The following MALRD1 variants were observed in gnomAD, a reference collection of about 807,000 sequenced individuals.
The protein encoded by MALRD1 is MAM and LDL-receptor class A domain-containing protein 1.
In MALRD1, 247 loss-of-function variants were observed where a neutral mutation model predicts 242.1. That is an observed-to-expected ratio of 1.02 (90% confidence interval 0.92 to 1.13). The LOEUF (loss-of-function observed/expected upper bound fraction) is 1.13. Ranked by LOEUF, MALRD1 falls within the 50% of genes most tolerant of loss-of-function variation. MALRD1 has a pLI of 0.00. For synonymous variants in MALRD1, 995 were observed against 866.6 expected (o/e 1.15, Z -2.60); for missense variants, 2,989 against 2,533.1 (o/e 1.18, Z -3.86).
At chr10:19,140,795 C>T (rs1290614323) in intron 10 of MALRD1, among the ~76,000 whole-genome samples, 4 of 151,780 alleles carry the variant, frequency 2.6e-5, no homozygotes, top group Non-Finnish European at 5.9e-5. Flanking sequence ...GAGGCCTGGC[C>T]GAAATGGGGA....
At chr10:19,419,535 G>T (rs1156990898) in intron 28 of MALRD1, among the ~76,000 whole-genome samples, 2 of 152,062 alleles carry the variant, frequency 1.3e-5, no homozygotes, top group Non-Finnish European at 1.5e-5. Context: ...GGCCAGGCTG[G>T]TCTCAAACTC....
chr10:19,218,978 A>G (rs1450337949), intron 18 of MALRD1, among the ~76,000 whole-genome samples: 1 of 152,152 alleles, frequency 6.6e-6, no homozygotes, highest in Non-Finnish European at 1.5e-5. Context: ...TTAGTAATCT[A>G]ATTATTTTGA....
chr10:19,476,257 G>C (rs1275905480), intron 29 of MALRD1, among the ~76,000 whole-genome samples: 1 of 152,096 alleles, frequency 6.6e-6, no homozygotes, highest in Non-Finnish European at 1.5e-5. Flanking sequence ...ATCTCTACGT[G>C]TTTTAGTACA....
At chr10:19,413,711 T>TGGTGGCTTAC (rs1447412747) in intron 28 of MALRD1, among the ~76,000 whole-genome samples, 1 of 151,982 alleles carries the variant, frequency 6.6e-6, no homozygotes, top group Admixed American at 6.6e-5. Context: ...AGGCTGTGTG[T>TGGTGGCTTAC]GGTGGCTTAC....
chr10:19,200,671 T>TTG (rs1836490786), intron 14 of MALRD1, among the ~76,000 whole-genome samples: 1 of 112,832 alleles, frequency 8.9e-6, no homozygotes, highest in Non-Finnish European at 1.9e-5. Flanking sequence ...TTTTTTTTTT[T>TTG]GGCTTCTACA....
intron 21 of MALRD1, among the ~76,000 whole-genome samples, chr10:19,301,192 C>T (rs564559814): frequency 6.6e-6 from 1 of 151,818 alleles, no homozygotes; most frequent in Non-Finnish European, 1.5e-5. Flanking sequence ...ATGGCTATTA[C>T]TAAAAAGTCA....
At chr10:19,500,493 A>G (rs1293002088) in intron 31 of MALRD1, among the ~76,000 whole-genome samples, 1 of 152,230 alleles carries the variant, frequency 6.6e-6, no homozygotes, top group Non-Finnish European at 1.5e-5. Flanking sequence ...CAGCAATACA[A>G]TCTAGATAAA....
chr10:19,727,879 C>T (rs747259260), intron 38 of MALRD1, among the ~76,000 whole-genome samples: 4 of 151,668 alleles, frequency 2.6e-5, no homozygotes, highest in Non-Finnish European at 4.4e-5. Context: ...TAAGGATCCA[C>T]CATTTTAAGT....
At chr10:19,385,903 A>G (rs1846051609) in intron 26 of MALRD1, among the ~76,000 whole-genome samples, 2 of 152,094 alleles carry the variant, frequency 1.3e-5, no homozygotes, top group South Asian at 2.1e-4. Context: ...TGCATCTCAC[A>G]AGTTTTGCTC....
intron 19 of MALRD1, among the ~76,000 whole-genome samples, chr10:19,262,356 T>A (rs1385231528): frequency 6.6e-6 from 1 of 152,006 alleles, no homozygotes; most frequent in Non-Finnish European, 1.5e-5. Context: ...TCTGTGTGTG[T>A]GTGTGGTAAG....
intron 11 of MALRD1, among the ~76,000 whole-genome samples, chr10:19,150,695 T>G (rs1833917884): frequency 6.6e-6 from 1 of 152,208 alleles, no homozygotes; most frequent in South Asian, 2.1e-4. Context: ...TGTCCTATAT[T>G]TGACAGTCCA....
chr10:19,163,135 T>C (rs1458711540), intron 12 of MALRD1, among the ~76,000 whole-genome samples: 1 of 20,756 alleles, frequency 4.8e-5, no homozygotes, highest in African/African-American at 3.1e-4. Context: ...TGAAACCCTG[T>C]CTAAAAAAAA....
At chr10:19,449,113 T>A (rs1011092814) in intron 28 of MALRD1, among the ~76,000 whole-genome samples, 3 of 152,156 alleles carry the variant, frequency 2.0e-5, no homozygotes, top group African/African-American at 7.2e-5. Flanking sequence ...TATAAATAAT[T>A]TGTGTAAATG....
At chr10:19,539,897 TGCGCGC>T (rs1323112743) in intron 32 of MALRD1, among the ~76,000 whole-genome samples, 144 of 44,374 alleles carry the variant, frequency 3.2e-3, no homozygotes, top group Middle Eastern at 9.1e-3. Context: ...TGTGTGTGTG[TGCGCGC>T]GCGCGTGCGC....
intron 24 of MALRD1, among the ~76,000 whole-genome samples, chr10:19,345,770 T>TC (rs1844091087): frequency 6.6e-6 from 1 of 151,690 alleles, no homozygotes; most frequent in East Asian, 1.9e-4. Context: ...ATCTTTTTTT[T>TC]TTTAGTTCTT....
At chr10:19,489,201 C>T (rs781504531) in intron 29 of MALRD1, 27 of 472,362 alleles carry the variant, frequency 5.7e-5, no homozygotes, top group African/African-American at 5.4e-4. Context: ...AAAGTGCAGG[C>T]GAAGCCGAAA....
chr10:19,591,282 A>G (rs955603746), intron 33 of MALRD1, among the ~76,000 whole-genome samples: 13 of 152,228 alleles, frequency 8.5e-5, no homozygotes, highest in Non-Finnish European at 1.6e-4. Context: ...AAGGAATTGT[A>G]TATTATTATC....
At chr10:19,407,871 T>C (rs1833106191) in intron 28 of MALRD1, among the ~76,000 whole-genome samples, 1 of 152,204 alleles carries the variant, frequency 6.6e-6, no homozygotes. Flanking sequence ...GAAATGCTTA[T>C]CTGTGTGTCC....
At chr10:19,242,083 T>A (rs79966831) in intron 18 of MALRD1, among the ~76,000 whole-genome samples, 1 of 152,116 alleles carries the variant, frequency 6.6e-6, no homozygotes, top group Admixed American at 6.6e-5. Context: ...AAGACATACC[T>A]GAGACTGGGT....
Sources: gnomAD v4.1 joint callset for allele counts (sites outside exome capture counted in the v4.1 genomes callset) on GRCh38, gnomAD v4.1.1 for gene constraint, MANE v1.5 for transcripts, NCBI Gene and HGNC (gene_info 2026-07-23, HGNC 2026-07-21) for gene names.